Variants in HFM1 observed in about 807,000 individuals in gnomAD.
HFM1 encodes probable ATP-dependent DNA helicase HFM1.
A neutral mutation model predicts 192.1 loss-of-function variants in HFM1; 169 were observed. The observed-to-expected ratio is 0.88, with a 90% CI of 0.78 to 1.00. HFM1 has a LOEUF of 1.00. Among genes scored for constraint, HFM1 ranks in the 50% least tolerant of loss-of-function variants. The pLI is 0.00. For synonymous variants in HFM1, 525 were observed against 537.8 expected (o/e 0.98, Z 0.33); for missense variants, 1,661 against 1,668.0 (o/e 1.00, Z 0.07).
chr1:91,380,210 C>A lies in HFM1; in HGVS notation c.900G>T (p.Val300=), dbSNP rs1281369487. 2 of 1,579,230 alleles carry A rather than the reference C, an allele frequency of 1.3e-6. No individual in the cohort carries two copies. Among genetic ancestry groups the A allele is most frequent in the South Asian group, 1.2e-5 (1 of 86,842 alleles). ...TTCCAGAACCAGTTGGAGCACAAAT[C>A]ACAAAATTCCTATCTGTGTAAAGAA... ...DDLLYTDRNF[V]ICAPTGSGKT... is the part of the protein sequence containing the mutation. The change falls in exon 8 of 39, where the codon GTG becomes GTT. Residue 300 remains valine, a synonymous_variant. Transcript: ENST00000370425.
intron 3 of HFM1, among the ~76,000 whole-genome samples, chr1:91,395,267 G>A (rs1005114863): frequency 2.0e-5 from 3 of 151,988 alleles, no homozygotes; most frequent in African/African-American, 4.8e-5. Context: ...TTAGGAAATG[G>A]CAAGGCAAAA....
intron 36 of HFM1, among the ~76,000 whole-genome samples, chr1:91,265,476 C>T (rs1665672963): frequency 6.7e-6 from 1 of 150,304 alleles, no homozygotes; most frequent in Non-Finnish European, 1.5e-5. Flanking sequence ...TACAGTTGGC[C>T]TTGGCCCACC....
At position 91,379,153 on chromosome 1, in the gene HFM1, T is replaced by C. The variant is rs1661255653; in HGVS notation, c.1068A>G (p.Pro356=). ...TAAGTTCTTTACAATTCAATCCTAT[T>C]GGTCCAAATTTTTCTTTCCAGTCAT... ...RFDDWKEKFG[P]IGLNCKELTG... Residue 356 remains proline (P), a synonymous_variant, in exon 9 of 39, where the codon CCA becomes CCG. Coordinates refer to ENST00000370425, the MANE Select transcript of HFM1 (RefSeq NM_001017975.6). The C allele has an allele frequency of 1.2e-6, 2 of 1,609,134 alleles. No individual in the cohort carries two copies. The highest frequency in any genetic ancestry group is 1.7e-5 in the Admixed American group (1 of 59,424).
At chr1:91,299,430 G>A (rs144439986) in intron 30 of HFM1, among the ~76,000 whole-genome samples, 45,828 of 151,872 alleles carry the variant, frequency 0.3, 7,459 homozygotes, top group Non-Finnish European at 0.36. Flanking sequence ...TGCACCAACC[G>A]GACCTAATAG....
chr1:91,396,460 A>G, intron 2 of HFM1, 55 bp from the exon 3 acceptor site: 2 of 882,006 alleles, frequency 2.3e-6, no homozygotes, highest in Non-Finnish European at 3.5e-6. Flanking sequence ...TAACATGAGA[A>G]GCTATGTGTT....
chr1:91,326,123 T>C (rs1298396788), intron 20 of HFM1, among the ~76,000 whole-genome samples: 2 of 151,870 alleles, frequency 1.3e-5, no homozygotes, highest in East Asian at 3.9e-4. Context: ...ATCTGGAAAA[T>C]AGCCTCAAAA....
chr1:91,291,786 T>C (rs1284588619), intron 30 of HFM1, among the ~76,000 whole-genome samples: 5 of 151,886 alleles, frequency 3.3e-5, no homozygotes, highest in Admixed American at 1.3e-4. Flanking sequence ...TGATGAACAT[T>C]GATGCAAAAA....
chr1:91,330,880 C>G (rs1055162720), intron 20 of HFM1, among the ~76,000 whole-genome samples: 3 of 152,098 alleles, frequency 2.0e-5, no homozygotes, highest in African/African-American at 7.2e-5. Flanking sequence ...TACATCATAT[C>G]AAGACAATGA....
rs748313759 is a variant in HFM1 at position 91,350,816 on chromosome 1, T to G, written c.2128A>C (p.Thr710Pro). The change falls in exon 18 of 39, where the codon ACG (threonine) becomes CCG (proline). Residue 710 changes from threonine (T) to proline (P), a missense_variant. Physicochemically the swap from Thr to Pro is conservative, Grantham distance 38. Coordinates refer to ENST00000370425, the MANE Select transcript of HFM1 (RefSeq NM_001017975.6). The part of the protein sequence containing the change: ...LNAEIVLHTI[T>P]DVNIAVEWIR... ...CATTCCACAGCAATATTCACATCCG[T>G]GATGGTATGCAGTACTATCTCTGCA... is the stretch of plus-strand genomic sequence containing the variant. The G allele has an allele frequency of 3.1e-6, 5 of 1,609,586 alleles. No individual in the cohort carries two copies. Among genetic ancestry groups the G allele is most frequent in the Middle Eastern group, 1.7e-4 (1 of 6,018 alleles).
At chr1:91,406,333 A>C (rs1424532148), upstream of HFM1, among the ~76,000 whole-genome samples, 1 of 152,248 alleles carries the variant, frequency 6.6e-6, no homozygotes, top group Admixed American at 6.5e-5. Flanking sequence ...TGTAGAATTC[A>C]GCAACAGGCA....
rs1368313470 is a variant in HFM1 at position 91,287,847 on chromosome 1, C to T, written c.3392-10785G>A. Among the ~76,000 whole-genome samples the T allele has an allele frequency of 2.6e-5, 4 of 151,892 alleles. No individual in the cohort carries two copies. The East Asian group carries it at 5.8e-4, about 22-fold the overall frequency. ...GCTGATGGAGCTGAAAACCAAGGCT[C>T]GAGAACTACGTGAAGAATGCAGAAG... On this transcript the variant is annotated intron_variant, in intron 30 of 38. Coordinates refer to ENST00000370425, the MANE Select transcript of HFM1 (RefSeq NM_001017975.6).
chr1:91,267,832 A>T lies in HFM1; in HGVS notation c.3796T>A (p.Leu1266Met). Residue 1266 changes from leucine (L) to methionine (M), a missense_variant, in exon 35 of 39, where the codon TTG (leucine) becomes ATG (methionine). By Grantham distance (15) the Leu-to-Met change is conservative (BLOSUM62 2). Transcript: ENST00000370425. ...AAATCATCCCAAACTTCATTTCCCA[A>T]TTCAAAGTTCACATTCAAAACTTCT... The part of the protein sequence containing the change: ...DKEVLNVNFE[L>M]GNEVWDDFDD... 1 of 1,580,366 alleles carries T rather than the reference A, an allele frequency of 6.3e-7. No homozygotes were observed. The highest frequency in any genetic ancestry group is 8.6e-7 in the Non-Finnish European group (1 of 1,166,696).
upstream of HFM1, among the ~76,000 whole-genome samples, chr1:91,406,911 C>T (rs1476117081): frequency 1.3e-5 from 2 of 152,164 alleles, no homozygotes; most frequent in Non-Finnish European, 2.9e-5. Flanking sequence ...TTATCCAAGA[C>T]TCCCAAGTTC....
At position 91,311,399 on chromosome 1, in the gene HFM1, G is replaced by A. The variant is rs540047199; in HGVS notation, c.3391+1950C>T. On this transcript the variant is annotated intron_variant, in intron 30 of 38. Transcript: ENST00000370425. ...CCAGCACTTCGGGAGGCCGAGGCAG[G>A]TGGATCACCTGAGACCAGGAGTTTG... is the stretch of plus-strand genomic sequence containing the variant. 1.0e-3 allele frequency among the ~76,000 whole-genome samples: 159 copies of A among 152,256 alleles called. 1 individual carries two copies. Among genetic ancestry groups the A allele is most frequent in the African/African-American group, 3.7e-3 (154 of 41,550 alleles).
Position 91,394,110 on chromosome 1 carries a change from T to C in HFM1, c.477A>G (p.Thr159=), listed in dbSNP as rs773083957. 7.7e-6 allele frequency: 12 copies of C among 1,564,292 alleles called. No individual in the cohort carries two copies. The highest frequency in any genetic ancestry group is 8.7e-6 in the Non-Finnish European group (10 of 1,145,842). ...VNFAEDKGES[T]SVFRKRLFKI... ...ATAATTACCTTTTCCGGAATACTGA[T>C]GTGCTCTCTCCTTTATCTTCTGCAA... Residue 159 remains threonine (T), a synonymous_variant, in exon 4 of 39, where the codon ACA becomes ACG. Coordinates refer to ENST00000370425, the MANE Select transcript of HFM1 (RefSeq NM_001017975.6).
At chr1:91,303,156 A>AACCC (rs1649097112) in intron 30 of HFM1, among the ~76,000 whole-genome samples, 1 of 152,128 alleles carries the variant, frequency 6.6e-6, no homozygotes. Flanking sequence ...CCCACCATAT[A>AACCC]ACTATTATTA....
chr1:91,392,586 G>C (rs1027765650), intron 4 of HFM1, among the ~76,000 whole-genome samples: 3 of 152,112 alleles, frequency 2.0e-5, no homozygotes, highest in Admixed American at 6.6e-5. Flanking sequence ...TCACACACCG[G>C]GGCCTGTCAT....
intron 30 of HFM1, among the ~76,000 whole-genome samples, chr1:91,299,020 C>T (rs953568046): frequency 5.3e-5 from 8 of 152,156 alleles, no homozygotes; most frequent in Non-Finnish European, 1.5e-5. Context: ...TAAGACCCAT[C>T]AGTGTGCTGT....
At chr1:91,349,752 A>T (rs1057127608) in intron 18 of HFM1, among the ~76,000 whole-genome samples, 1 of 152,212 alleles carries the variant, frequency 6.6e-6, no homozygotes, top group Admixed American at 6.5e-5. Context: ...ACACTCCCAG[A>T]TTCCTAACCC....
Sources: gnomAD v4.1 joint callset for allele counts (sites outside exome capture counted in the v4.1 genomes callset) on GRCh38, gnomAD v4.1.1 for gene constraint, MANE v1.5 for transcripts, NCBI Gene and HGNC (gene_info 2026-07-23, HGNC 2026-07-21) for gene names.